CDH18: variants seen among roughly 807,000 people sequenced by gnomAD.
The protein encoded by CDH18 is cadherin-18.
Under a neutral mutation model 67.9 loss-of-function variants are expected in CDH18, and 31 were observed. That is an observed-to-expected ratio of 0.46 (90% CI 0.34 to 0.62). The LOEUF is 0.62. CDH18 is among the 20% of genes least tolerant of loss of function. The pLI is 0.01. For missense variants in CDH18, 890 were observed against 975.5 expected, an observed-to-expected ratio of 0.91 and a Z score of 1.17; for synonymous variants, 362 against 347.2, an observed-to-expected ratio of 1.04 and a Z score of -0.48.
intron 10 of CDH18, among the ~76,000 whole-genome samples, chr5:19,514,812 T>C (rs1376330186): frequency 6.6e-6 from 1 of 152,244 alleles, no homozygotes; most frequent in Non-Finnish European, 1.5e-5. Flanking sequence ...TTCACTCTGA[T>C]GGTAGTTTCT....
At chr5:20,435,147 ACATAAC>A (rs1211377410) in intron 1 of CDH18, among the ~76,000 whole-genome samples, 1 of 152,026 alleles carries the variant, frequency 6.6e-6, no homozygotes, top group Non-Finnish European at 1.5e-5. Flanking sequence ...CCACACACAC[ACATAAC>A]CTCAAGCTCA....
chr5:20,544,325 TAAAC>T lies in CDH18; in HGVS notation c.-580+31133_-580+31136del, dbSNP rs369026027. Among the ~76,000 whole-genome samples, 713 of 152,136 alleles carry T rather than the reference TAAAC, an allele frequency of 4.7e-3. 5 individuals carry two copies. Among genetic ancestry groups the T allele is most frequent in the African/African-American group, 0.016 (677 of 41,454 alleles). On this transcript the variant is annotated intron_variant, in intron 1 of 14. Coordinates refer to the CDH18 transcript ENST00000507958. ...GCCATGAGTTTAAAAAAAGCACACATAAACACATATATATGTGTACATATGTGTA... is the reference window on the plus strand; with the variant it reads ...GCCATGAGTTTAAAAAAAGCACACATACATATATATGTGTACATATGTGTA...
chr5:19,842,658 T>C (rs1312158189), intron 2 of CDH18, among the ~76,000 whole-genome samples: 3 of 152,100 alleles, frequency 2.0e-5, no homozygotes, highest in Admixed American at 6.6e-5. Flanking sequence ...GTTATAAAGA[T>C]ACCCAAAAAT....
At chr5:19,906,206 T>A (rs952544720) in intron 2 of CDH18, among the ~76,000 whole-genome samples, 1 of 151,978 alleles carries the variant, frequency 6.6e-6, no homozygotes, top group Non-Finnish European at 1.5e-5. Context: ...AGGGATTTCA[T>A]AGGACTAGGA....
intron 2 of CDH18, among the ~76,000 whole-genome samples, chr5:19,887,872 G>GTA (rs1270035444): frequency 1.3e-5 from 2 of 151,810 alleles, no homozygotes; most frequent in African/African-American, 4.8e-5. Context: ...CACACCCAGG[G>GTA]TCTTACTTTT....
chr5:20,256,411 A>G (rs1207606754), intron 1 of CDH18, among the ~76,000 whole-genome samples: 1 of 152,070 alleles, frequency 6.6e-6, no homozygotes, highest in African/African-American at 2.4e-5. Flanking sequence ...TAAAACTGAT[A>G]AAAATTACAC....
At chr5:19,698,401 G>A (rs1762805458) in intron 5 of CDH18, among the ~76,000 whole-genome samples, 1 of 152,140 alleles carries the variant, frequency 6.6e-6, no homozygotes, top group East Asian at 1.9e-4. Context: ...CTAGGCCTTG[G>A]AATCCAAGCA....
chr5:19,839,666 A>G (rs1008371582), intron 2 of CDH18, among the ~76,000 whole-genome samples: 3 of 152,172 alleles, frequency 2.0e-5, no homozygotes, highest in African/African-American at 7.2e-5. Flanking sequence ...AGGTGGCTGA[A>G]AACAAAAAGA....
At chr5:19,707,763 A>T (rs1056886079) in intron 5 of CDH18, among the ~76,000 whole-genome samples, 51 of 152,288 alleles carry the variant, frequency 3.3e-4, no homozygotes, top group African/African-American at 1.2e-3. Context: ...TCAAAAACCT[A>T]TTTGTAAACA....
intron 2 of CDH18, among the ~76,000 whole-genome samples, chr5:19,840,108 A>T (rs1034921128): frequency 1.2e-4 from 5 of 40,190 alleles, no homozygotes; most frequent in East Asian, 6.6e-4. Context: ...ATAAAAAAAT[A>T]AAAAAAAAAA....
intron 1 of CDH18, among the ~76,000 whole-genome samples, chr5:20,495,774 T>C (rs1753869959): frequency 6.6e-6 from 1 of 151,936 alleles, no homozygotes; most frequent in African/African-American, 2.4e-5. Context: ...TGAGACAGAT[T>C]AGATTTAAAT....
chr5:19,641,710 C>G (rs1294233649), intron 5 of CDH18, among the ~76,000 whole-genome samples: 1 of 151,906 alleles, frequency 6.6e-6, no homozygotes, highest in Non-Finnish European at 1.5e-5. Flanking sequence ...GAAAAGCCCA[C>G]AGCTAAAATC....
intron 1 of CDH18, among the ~76,000 whole-genome samples, chr5:20,431,195 A>G (rs1019179644): frequency 6.6e-6 from 1 of 152,154 alleles, no homozygotes. Flanking sequence ...GATTTAAAAG[A>G]TAAGAGCCTC....
intron 2 of CDH18, among the ~76,000 whole-genome samples, chr5:20,039,805 A>C (rs1740242474): frequency 6.6e-6 from 1 of 152,216 alleles, no homozygotes; most frequent in Non-Finnish European, 1.5e-5. Context: ...TTCATGACTA[A>C]AACACCAAAA....
intron 2 of CDH18, among the ~76,000 whole-genome samples, chr5:20,226,049 C>T (rs1741599438): frequency 6.6e-6 from 1 of 152,070 alleles, no homozygotes; most frequent in Non-Finnish European, 1.5e-5. Flanking sequence ...ATGGCATAAA[C>T]TATTCTAACG....
At chr5:19,939,813 A>G (rs1794641743) in intron 2 of CDH18, among the ~76,000 whole-genome samples, 1 of 151,848 alleles carries the variant, frequency 6.6e-6, no homozygotes, top group African/African-American at 2.4e-5. Flanking sequence ...ATACCATAAA[A>G]TTTTCATCAG....
intron 2 of CDH18, among the ~76,000 whole-genome samples, chr5:19,954,852 G>GAA (rs201885867): frequency 2.3e-3 from 334 of 144,454 alleles, no homozygotes; most frequent in African/African-American, 7.9e-3. Flanking sequence ...ACAATCTCAG[G>GAA]AAAAAAAAAA....
intron 3 of CDH18, among the ~76,000 whole-genome samples, chr5:19,834,750 C>T (rs995033526): frequency 1.2e-4 from 18 of 152,102 alleles, no homozygotes; most frequent in African/African-American, 4.3e-4. Context: ...TTTCAAATAA[C>T]TTCTTGATTT....
chr5:20,479,188 G>T (rs1490913001), intron 1 of CDH18, among the ~76,000 whole-genome samples: 1 of 152,064 alleles, frequency 6.6e-6, no homozygotes. Flanking sequence ...AAACAAATAG[G>T]TAACTATTCA....
Sources: allele counts gnomAD v4.1 joint callset (sites outside exome capture counted in the v4.1 genomes callset), GRCh38; gene constraint gnomAD v4.1.1; transcripts MANE v1.5; gene names NCBI Gene and HGNC (gene_info 2026-07-23, HGNC 2026-07-21).